The following CEACAM8 variants were observed in gnomAD, a reference collection of about 807,000 sequenced individuals.
The protein encoded by CEACAM8 is CEA cell adhesion molecule 8, also known as cell adhesion molecule CEACAM8.
In CEACAM8, 31 loss-of-function variants were observed where a neutral mutation model predicts 33.4. The observed-to-expected ratio is 0.93, with a 90% CI of 0.70 to 1.25. The LOEUF is 1.25. Ranked by LOEUF, CEACAM8 falls within the 50% of genes most tolerant of loss-of-function variation. The pLI is 0.00. For missense variants in CEACAM8, 388 were observed against 434.6 expected (o/e 0.89, Z 0.95); for synonymous variants, 138 against 164.5 (o/e 0.84, Z 1.23).
Position 42,594,808 on chromosome 19 carries a change from A to T in CEACAM8, c.21T>A (p.Pro7=), listed in dbSNP as rs1473385664. 6.2e-6 allele frequency: 10 copies of T among 1,611,078 alleles called. No homozygotes were observed. The East Asian group carries it at 2.2e-4, about 36-fold the overall frequency. Residue 7 remains proline (P), a synonymous_variant, in exon 1 of 6, where the codon CCT becomes CCA. Coordinates refer to ENST00000244336, the MANE Select transcript of CEACAM8 (RefSeq NM_001816.4). ...GCCAGGGGATGCGCCATCTGCAGGA[A>T]GGGGCTGAGATGGGCCCCATGGTCT... MGPISA[P]SCRWRIPWQG...
rs1328497395 is a variant in CEACAM8 at position 42,581,059 on chromosome 19, G to A, written c.*335C>T. 1 of 135,462 alleles carries A rather than the reference G, an allele frequency of 7.4e-6. No homozygotes were observed. The highest frequency in any genetic ancestry group is 2.8e-5 in the African/African-American group (1 of 35,856). 8.4% of individuals were successfully genotyped at this position (135,462 alleles called of 1,614,324 possible). On this transcript the variant is annotated 3_prime_UTR_variant, in exon 6 of 6. Coordinates refer to ENST00000244336, the MANE Select transcript of CEACAM8 (RefSeq NM_001816.4). ...CGTGCCACTGCACTCCAGCCTGGGC[G>A]ACAGAGCGAGATTCCATCTCAAAAA...
At chr19:42,586,870 A>G (rs1207241499) in intron 4 of CEACAM8, among the ~76,000 whole-genome samples, 1 of 152,220 alleles carries the variant, frequency 6.6e-6, no homozygotes, top group Non-Finnish European at 1.5e-5. Context: ...ATGAAGAACT[A>G]CTACAAATCC....
chr19:42,581,947 A>AT (rs2042268505), intron 5 of CEACAM8, among the ~76,000 whole-genome samples: 1 of 103,542 alleles, frequency 9.7e-6, no homozygotes, highest in African/African-American at 3.6e-5. Flanking sequence ...ATATATATAT[A>AT]AAATAAGGTG....
Position 42,594,875 on chromosome 19 carries a change from T to C in CEACAM8, c.-47A>G, listed in dbSNP as rs1250238462. 6.3e-7 allele frequency: 1 copy of C among 1,577,772 alleles called. No individual in the cohort carries two copies. Among genetic ancestry groups the C allele is most frequent in the Admixed American group, 1.8e-5 (1 of 55,616 alleles). On this transcript the variant is annotated 5_prime_UTR_variant, in exon 1 of 6. Coordinates refer to ENST00000244336, the MANE Select transcript of CEACAM8 (RefSeq NM_001816.4). ...CTCCTCTGTGGAGATGAGCCTGGGATCCAGAAACTTTCTGAGCACGGCTGT... is the reference window on the plus strand; with the variant it reads ...CTCCTCTGTGGAGATGAGCCTGGGACCCAGAAACTTTCTGAGCACGGCTGT...
intron 5 of CEACAM8, among the ~76,000 whole-genome samples, chr19:42,581,867 C>T (rs553318149): frequency 1.1e-4 from 12 of 112,818 alleles, no homozygotes; most frequent in African/African-American, 2.4e-4. Flanking sequence ...TCCAGCCTGG[C>T]GACGGAGCGA....
At chr19:42,582,512 T>C (rs1252135600) in intron 5 of CEACAM8, among the ~76,000 whole-genome samples, 1 of 152,246 alleles carries the variant, frequency 6.6e-6, no homozygotes, top group Non-Finnish European at 1.5e-5. Flanking sequence ...CACACATTAA[T>C]GCTAGAGTCG....
Position 42,593,737 on chromosome 19 carries a change from G to T in CEACAM8, c.228C>A (p.Asn76Lys). 5.6e-6 allele frequency: 9 copies of T among 1,614,108 alleles called. No homozygotes were observed. The highest frequency in any genetic ancestry group is 1.1e-5 in the South Asian group (1 of 91,074). The change falls in exon 2 of 6, where the codon AAC becomes AAA. Residue 76 changes from asparagine to lysine, a missense_variant. Coordinates refer to ENST00000244336, the MANE Select transcript of CEACAM8 (RefSeq NM_001816.4). ...NWYKGETVDA[N>K]RRIIGYVISN... ...ATATTACATATCCTATAATTCGACG[G>T]TTGGCATCCACTGTTTCCCCTTTGT...
At chr19:42,591,526 A>T (rs1032141741) in intron 2 of CEACAM8, among the ~76,000 whole-genome samples, 9 of 152,242 alleles carry the variant, frequency 5.9e-5, no homozygotes, top group African/African-American at 2.2e-4. Context: ...TCCTATGCAG[A>T]GTTAGGCAAA....
intron 4 of CEACAM8, among the ~76,000 whole-genome samples, chr19:42,585,495 A>T (rs576918202): frequency 2.0e-5 from 3 of 152,184 alleles, no homozygotes; most frequent in Non-Finnish European, 4.4e-5. Context: ...ATCTGAATAG[A>T]CCTATAATTA....
chr19:42,582,504 C>T lies in CEACAM8; in HGVS notation c.*40+702G>A, dbSNP rs2042274452. ...GGCTGTGTCCTGAATCTCAGGTTCA[C>T]ACATTAATGCTAGAGTCGTTGTTCT... is the stretch of plus-strand genomic sequence containing the variant. On this transcript the variant is annotated intron_variant, in intron 5 of 5. Transcript: ENST00000244336. 3.3e-5 allele frequency among the ~76,000 whole-genome samples: 5 copies of T among 152,300 alleles called. No individual in the cohort carries two copies. In the South Asian group the frequency reaches 1.0e-3, roughly 32 times the overall value.
At position 42,583,318 on chromosome 19, in the gene CEACAM8, A is replaced by G; in HGVS notation, c.978T>C (p.Ser326=). Residue 326 remains serine, a synonymous_variant, in exon 5 of 6, where the codon AGT becomes AGC. Transcript: ENST00000244336. ...ITVSDALVQG[S]SPGLSARATV... is the part of the protein sequence containing the mutation. ...TGGCTCTAGCTGAGAGGCCAGGAGA[A>G]CTTCCTTGTACTAAAGCATCTGTCA... The G allele has an allele frequency of 1.2e-6, 2 of 1,611,820 alleles. No homozygotes were observed. The highest frequency in any genetic ancestry group is 1.7e-6 in the Non-Finnish European group (2 of 1,177,966).
At chr19:42,582,749 G>A (rs2042278261) in intron 5 of CEACAM8, among the ~76,000 whole-genome samples, 2 of 152,164 alleles carry the variant, frequency 1.3e-5, no homozygotes, top group Non-Finnish European at 2.9e-5. Flanking sequence ...AATTAGTAAA[G>A]AGAAGAAATG....
At chr19:42,585,326 A>AC (rs944980383) in intron 4 of CEACAM8, among the ~76,000 whole-genome samples, 16 of 148,974 alleles carry the variant, frequency 1.1e-4, no homozygotes, top group African/African-American at 3.8e-4. Flanking sequence ...AAAAAAAAAA[A>AC]AAACAAACAA....
In CEACAM8 at chr19:42,583,285, G is replaced by C; in HGVS notation, c.1011C>G (p.Ser337Arg). ...SPGLSARATV[S>R]IMIGVLARVA... is the part of the protein sequence containing the mutation. ...CCCTGGCCAGTACTCCAATCATGAT[G>C]CTGACAGTGGCTCTAGCTGAGAGGC... The change falls in exon 5 of 6, where the codon AGC becomes AGG. Residue 337 changes from serine (S) to arginine (R), a missense_variant. Physicochemically the swap from Ser to Arg is moderately radical, Grantham distance 110. Coordinates refer to ENST00000244336, the MANE Select transcript of CEACAM8 (RefSeq NM_001816.4). 1 of 1,613,440 alleles carries C rather than the reference G, an allele frequency of 6.2e-7. No individual in the cohort carries two copies.
rs751679868 is a variant in CEACAM8 at position 42,593,572 on chromosome 19, A to G, written c.393T>C (p.Ser131=). 4 of 1,585,088 alleles carry G rather than the reference A, an allele frequency of 2.5e-6. No homozygotes were observed. Among genetic ancestry groups the G allele is most frequent in the Non-Finnish European group, 3.4e-6 (4 of 1,163,992 alleles). ...CGCTGAACTGGCCAGTTACTTCTTC[A>G]CTCATAAGATTTAGCTTTATGACTT... The part of the protein sequence containing the change: ...TLQVIKLNLM[S]EEVTGQFSVH... The change falls in exon 2 of 6, where the codon AGT becomes AGC. Residue 131 remains serine (S), a synonymous_variant. Transcript: ENST00000244336.
chr19:42,593,058 C>T (rs1400787485), intron 2 of CEACAM8, among the ~76,000 whole-genome samples: 3 of 152,226 alleles, frequency 2.0e-5, no homozygotes, highest in Admixed American at 6.5e-5. Context: ...AATCTTTGCT[C>T]CTAGTTGGCC....
rs1264372436 is a variant in CEACAM8, at chr19:42,589,467, C to T, written c.693G>A (p.Leu231=). The part of the protein sequence containing the change: ...ASANFSDPVT[L]NVLYGPDAPT... ...ACAGAAGATACTCACAGAGGACATT[C>T]AGGGTGACTGGGTCACTGAAGTTTG... The change falls in exon 3 of 6, where the codon CTG becomes CTA. Residue 231 remains leucine (L), a synonymous_variant. Coordinates refer to ENST00000244336, the MANE Select transcript of CEACAM8 (RefSeq NM_001816.4). The T allele has an allele frequency of 6.2e-7, 1 of 1,614,070 alleles. No homozygotes were observed. Among genetic ancestry groups the T allele is most frequent in the African/African-American group, 1.3e-5 (1 of 74,924 alleles).
At chr19:42,589,818 C>T in intron 2 of CEACAM8, 83 bp from the exon 3 acceptor site, 1 of 1,602,186 alleles carries the variant, frequency 6.2e-7, no homozygotes, top group Non-Finnish European at 8.5e-7. Flanking sequence ...GTTGGCATCT[C>T]CCACCTCTCA....
rs1227107347 is a variant in CEACAM8 at position 42,588,779 on chromosome 19, C to T, written c.958+5G>A. The stretch of plus-strand genomic sequence containing the variant: ...ATACTGCCAGTGCTCCAGGGATCCA[C>T]TTACCAGAGACTGTGATCATCCTGA... On this transcript the variant is annotated splice_donor_5th_base_variant and intron_variant, in intron 4 of 5. Coordinates refer to ENST00000244336, the MANE Select transcript of CEACAM8 (RefSeq NM_001816.4). 1 of 1,613,982 alleles carries T rather than the reference C, an allele frequency of 6.2e-7. No homozygotes were observed. The highest frequency in any genetic ancestry group is 8.5e-7 in the Non-Finnish European group (1 of 1,179,962).
Sources: gnomAD v4.1 joint callset for allele counts (sites outside exome capture counted in the v4.1 genomes callset) on GRCh38, gnomAD v4.1.1 for gene constraint, MANE v1.5 for transcripts, NCBI Gene and HGNC (gene_info 2026-07-23, HGNC 2026-07-21) for gene names.